Variants in RORA observed in about 807,000 individuals in gnomAD.
RORA encodes RAR related orphan receptor A.
Under a neutral mutation model 69.5 loss-of-function variants are expected in RORA, and 7 were observed. The ratio of observed to expected loss-of-function variants is 0.10; its 90% CI spans 0.06 to 0.19. The LOEUF (loss-of-function observed/expected upper bound fraction) is 0.19. Ranked by LOEUF, RORA falls within the 10% of genes least tolerant of loss-of-function variation. The pLI, the probability that RORA is intolerant of heterozygous loss-of-function variation, is 1.00. For missense variants in RORA, 457 were observed against 663.0 expected, an observed-to-expected ratio of 0.69 and a Z score of 3.41; for synonymous variants, 261 against 240.8, an observed-to-expected ratio of 1.08 and a Z score of -0.78.
chr15:60,894,940 G>T (rs1294922648), intron 1 of RORA, among the ~76,000 whole-genome samples: 1 of 152,192 alleles, frequency 6.6e-6, no homozygotes, highest in African/African-American at 2.4e-5. Flanking sequence ...ATCAAGCAGT[G>T]CCTTAAACAG....
intron 2 of RORA, among the ~76,000 whole-genome samples, chr15:60,559,059 C>G (rs978053856): frequency 7.9e-5 from 12 of 151,714 alleles, no homozygotes; most frequent in African/African-American, 2.9e-4. Flanking sequence ...TAATAAAAAT[C>G]TTATAAACAA....
intron 1 of RORA, among the ~76,000 whole-genome samples, chr15:60,738,938 ATC>A (rs1415625864): frequency 1.3e-5 from 2 of 152,196 alleles, no homozygotes; most frequent in Non-Finnish European, 2.9e-5. Context: ...CCCTGTGTGC[ATC>A]TGTCTTCAAA....
chr15:61,200,631 C>G (rs1465615631), intron 1 of RORA, among the ~76,000 whole-genome samples: 2 of 152,172 alleles, frequency 1.3e-5, no homozygotes, highest in Non-Finnish European at 2.9e-5. Context: ...ATTGTGGCAC[C>G]TTGAAACACT....
chr15:60,895,359 GC>G (rs1486223687), intron 1 of RORA, among the ~76,000 whole-genome samples: 1 of 152,176 alleles, frequency 6.6e-6, no homozygotes, highest in Non-Finnish European at 1.5e-5. Context: ...AAAAGAAGGA[GC>G]TGGAGGACAA....
At chr15:60,705,415 G>A (rs552117900) in intron 1 of RORA, among the ~76,000 whole-genome samples, 2 of 152,194 alleles carry the variant, frequency 1.3e-5, no homozygotes, top group African/African-American at 4.8e-5. Context: ...CCACAAGTAT[G>A]TGCATAATGA....
chr15:60,754,654 A>G (rs1294001579), intron 1 of RORA, among the ~76,000 whole-genome samples: 2 of 152,144 alleles, frequency 1.3e-5, no homozygotes, highest in African/African-American at 4.8e-5. Flanking sequence ...ACCTCTGCCA[A>G]CATTGACATC....
chr15:60,723,278 G>A lies in RORA; in HGVS notation c.167-44592C>T, dbSNP rs113837699. On this transcript the variant is annotated intron_variant, in intron 1 of 10. Transcript: ENST00000335670. ...AATAGCAGCTACCCTTAGTTTCGAT[G>A]CGCATATAGGTTGAAAAAGGTTTGC... is the stretch of plus-strand genomic sequence containing the variant. Among the ~76,000 whole-genome samples, 1,008 of 152,110 alleles carry A rather than the reference G, an allele frequency of 6.6e-3. 5 individuals are homozygous for A. Among genetic ancestry groups the A allele is most frequent in the East Asian group, 0.027 (138 of 5,180 alleles).
intron 1 of RORA, among the ~76,000 whole-genome samples, chr15:60,756,437 T>C (rs1446442981): frequency 1.3e-5 from 2 of 152,244 alleles, no homozygotes; most frequent in Middle Eastern, 3.2e-3. Flanking sequence ...GAAAAGTTTA[T>C]AAAGACTGTG....
chr15:60,816,019 TATAC>T (rs1386861112), intron 1 of RORA, among the ~76,000 whole-genome samples: 1 of 63,618 alleles, frequency 1.6e-5, no homozygotes, highest in Non-Finnish European at 5.3e-5. Context: ...TAAGTATTTA[TATAC>T]TATATATAGT....
At chr15:61,001,313 G>C (rs16943472) in intron 1 of RORA, among the ~76,000 whole-genome samples, 22,718 of 152,260 alleles carry the variant, frequency 0.15, 1,931 homozygotes, top group African/African-American at 0.23. Context: ...CTCAACTTAG[G>C]GCTCAGATTC....
intron 1 of RORA, among the ~76,000 whole-genome samples, chr15:60,750,209 A>AT (rs1343523687): frequency 1.3e-5 from 2 of 152,230 alleles, no homozygotes; most frequent in Non-Finnish European, 2.9e-5. Context: ...TACAGCCAGA[A>AT]AGTGGCATAG....
At chr15:61,137,043 G>GAAAGAAAGAAAT (rs2079249100) in intron 1 of RORA, among the ~76,000 whole-genome samples, 2 of 137,406 alleles carry the variant, frequency 1.5e-5, no homozygotes, top group African/African-American at 5.9e-5. Flanking sequence ...AAGAAAGAAA[G>GAAAGAAAGAAAT]AAAGAAAGAA....
At chr15:61,023,364 G>A (rs745838502) in intron 1 of RORA, among the ~76,000 whole-genome samples, 1 of 152,150 alleles carries the variant, frequency 6.6e-6, no homozygotes, top group Non-Finnish European at 1.5e-5. Flanking sequence ...TACACAGTGA[G>A]AGTAAGAGAA....
intron 1 of RORA, among the ~76,000 whole-genome samples, chr15:61,093,190 A>T (rs1026695207): frequency 6.6e-6 from 1 of 152,234 alleles, no homozygotes; most frequent in Non-Finnish European, 1.5e-5. Context: ...AAGGAAACAA[A>T]AAAAGGTAAT....
chr15:61,122,158 T>G (rs1406884573), intron 1 of RORA, among the ~76,000 whole-genome samples: 1 of 152,196 alleles, frequency 6.6e-6, no homozygotes, highest in African/African-American at 2.4e-5. Flanking sequence ...TGAGAGAACT[T>G]CTTTCTTTCT....
chr15:60,690,597 C>T (rs1454481912), intron 1 of RORA, among the ~76,000 whole-genome samples: 1 of 152,188 alleles, frequency 6.6e-6, no homozygotes, highest in East Asian at 1.9e-4. Flanking sequence ...TCAACCTTTA[C>T]CCTAACAAAA....
At chr15:60,999,231 C>T (rs759831660) in intron 1 of RORA, among the ~76,000 whole-genome samples, 16 of 152,132 alleles carry the variant, frequency 1.1e-4, no homozygotes, top group Non-Finnish European at 2.9e-5. Context: ...ACATCCTCAT[C>T]GTTTGATAGA....
At position 61,034,851 on chromosome 15, in the gene RORA, C is replaced by T. The variant is rs2689343; in HGVS notation, c.166+194202G>A. On this transcript the variant is annotated intron_variant, in intron 1 of 10. Transcript: ENST00000335670. ...TAGTGTTACATACTTGAAGAATTTT[C>T]TGAAGTTAGCCAAGAAAAATAAGCT... Among the ~76,000 whole-genome samples the T allele has an allele frequency of 2.1e-5, 3 of 144,822 alleles. 1 individual carries two copies. The highest frequency in any genetic ancestry group is 4.5e-5 in the Non-Finnish European group (3 of 66,856).
At chr15:61,011,855 GC>G (rs1441765518) in intron 1 of RORA, among the ~76,000 whole-genome samples, 1 of 151,600 alleles carries the variant, frequency 6.6e-6, no homozygotes, top group Non-Finnish European at 1.5e-5. Flanking sequence ...ATGCCACCAA[GC>G]CTCAAGCTTC....
Sources: allele counts gnomAD v4.1 joint callset (sites outside exome capture counted in the v4.1 genomes callset), GRCh38; gene constraint gnomAD v4.1.1; transcripts MANE v1.5; gene names NCBI Gene and HGNC (gene_info 2026-07-23, HGNC 2026-07-21).